CREB5: variants seen among roughly 807,000 people sequenced by gnomAD.
CREB5 encodes cyclic AMP-responsive element-binding protein 5.
CREB5 carries 19 observed loss-of-function variants against 57.1 expected under a neutral mutation model. That is an observed-to-expected ratio of 0.33 (90% CI 0.23 to 0.49). The LOEUF is 0.49. CREB5 is among the 20% of genes least tolerant of loss of function. CREB5 has a pLI of 0.99. For synonymous variants in CREB5, 238 were observed against 238.3 expected (o/e 1.00, Z 0.01); for missense variants, 579 against 671.6 (o/e 0.86, Z 1.52).
chr7:28,596,094 CT>C (rs1270063061), intron 5 of CREB5, among the ~76,000 whole-genome samples: 1 of 152,124 alleles, frequency 6.6e-6, no homozygotes, highest in African/African-American at 2.4e-5. Flanking sequence ...AAGAGGCCAC[CT>C]TTTTGACCAG....
intron 5 of CREB5, among the ~76,000 whole-genome samples, chr7:28,631,475 G>A (rs1798198708): frequency 6.6e-6 from 1 of 152,152 alleles, no homozygotes; most frequent in Non-Finnish European, 1.5e-5. Context: ...AACCAATATT[G>A]AGCATCTTGT....
intron 4 of CREB5, among the ~76,000 whole-genome samples, chr7:28,557,905 A>G (rs980290041): frequency 3.3e-5 from 5 of 151,402 alleles, no homozygotes; most frequent in African/African-American, 1.2e-4. Context: ...GGGAACTGTG[A>G]AAATGAAAAC....
At chr7:28,622,904 G>A (rs776802643) in intron 5 of CREB5, among the ~76,000 whole-genome samples, 2 of 152,118 alleles carry the variant, frequency 1.3e-5, no homozygotes, top group East Asian at 1.9e-4. Context: ...CCTTCTTCTG[G>A]TTTTTTTCTT....
At chr7:28,812,111 C>G (rs1379718609) in intron 9 of CREB5, among the ~76,000 whole-genome samples, 1 of 152,208 alleles carries the variant, frequency 6.6e-6, no homozygotes, top group African/African-American at 2.4e-5. Flanking sequence ...CAAATGTCCC[C>G]TGGTGGTGGT....
At chr7:28,774,349 C>T (rs560039276) in intron 7 of CREB5, among the ~76,000 whole-genome samples, 60 of 152,274 alleles carry the variant, frequency 3.9e-4, no homozygotes, top group Non-Finnish European at 6.9e-4. Context: ...TCACTCACTC[C>T]GGCCTTCATT....
chr7:28,445,573 A>G (rs2128563261), intron 1 of CREB5, among the ~76,000 whole-genome samples: 1 of 149,616 alleles, frequency 6.7e-6, no homozygotes, highest in African/African-American at 2.5e-5. Context: ...TTTATTTGAG[A>G]CGGAATCTCG....
chr7:28,638,050 G>A (rs573336006), intron 5 of CREB5, among the ~76,000 whole-genome samples: 1 of 152,256 alleles, frequency 6.6e-6, no homozygotes, highest in South Asian at 2.1e-4. Context: ...ACTCTTTCCT[G>A]AGTGTAAATA....
At chr7:28,654,251 C>G (rs957395683) in intron 5 of CREB5, among the ~76,000 whole-genome samples, 2 of 152,206 alleles carry the variant, frequency 1.3e-5, no homozygotes, top group Non-Finnish European at 1.5e-5. Context: ...ACAGCTCGCT[C>G]CCCCTCTTCT....
At chr7:28,313,662 G>A (rs1052198652) in intron 1 of CREB5, among the ~76,000 whole-genome samples, 3 of 152,112 alleles carry the variant, frequency 2.0e-5, no homozygotes, top group African/African-American at 7.2e-5. Context: ...TGGAAGGTGG[G>A]AATAACCACT....
At chr7:28,515,411 C>A (rs1027315247) in intron 4 of CREB5, among the ~76,000 whole-genome samples, 2 of 152,202 alleles carry the variant, frequency 1.3e-5, no homozygotes, top group African/African-American at 4.8e-5. Context: ...GAGTCAAGTC[C>A]ACCCAGACAA....
At chr7:28,751,529 A>C (rs1245829871) in intron 7 of CREB5, among the ~76,000 whole-genome samples, 1 of 152,182 alleles carries the variant, frequency 6.6e-6, no homozygotes, top group Admixed American at 6.5e-5. Flanking sequence ...CCTTCCAGAG[A>C]GGGCTTGCCT....
At chr7:28,370,834 C>T (rs368848169) in intron 1 of CREB5, among the ~76,000 whole-genome samples, 1 of 152,154 alleles carries the variant, frequency 6.6e-6, no homozygotes, top group Non-Finnish European at 1.5e-5. Context: ...CACTTTGGCA[C>T]TTCAAACATT....
intron 4 of CREB5, among the ~76,000 whole-genome samples, chr7:28,543,537 AC>A: frequency 6.7e-6 from 1 of 149,970 alleles, no homozygotes; most frequent in East Asian, 2.0e-4. Context: ...ACATAACAAT[AC>A]CAGCCATTTA....
intron 7 of CREB5, among the ~76,000 whole-genome samples, chr7:28,788,627 A>G (rs1468749716): frequency 6.6e-6 from 1 of 152,180 alleles, no homozygotes; most frequent in Non-Finnish European, 1.5e-5. Context: ...CAAATTATTG[A>G]AAGAATAAAC....
intron 1 of CREB5, among the ~76,000 whole-genome samples, chr7:28,405,347 G>T (rs1274716762): frequency 1.3e-5 from 2 of 152,206 alleles, no homozygotes; most frequent in East Asian, 3.8e-4. Flanking sequence ...GATGTGGGCA[G>T]AAGGGATGAG....
chr7:28,685,086 A>C (rs544682988), intron 5 of CREB5, among the ~76,000 whole-genome samples: 1 of 152,218 alleles, frequency 6.6e-6, no homozygotes, highest in Admixed American at 6.5e-5. Flanking sequence ...AGAGACACAC[A>C]TACTGTCTGT....
intron 1 of CREB5, among the ~76,000 whole-genome samples, chr7:28,419,659 G>A (rs1336631301): frequency 6.6e-6 from 1 of 152,180 alleles, no homozygotes; most frequent in African/African-American, 2.4e-5. Context: ...TGTTAGTAGG[G>A]CATACACTTG....
chr7:28,303,024 A>T (rs1329622389), intron 1 of CREB5, among the ~76,000 whole-genome samples: 1 of 151,910 alleles, frequency 6.6e-6, no homozygotes, highest in Non-Finnish European at 1.5e-5. Flanking sequence ...TCTTGGAATT[A>T]GTTGTAGCTT....
At chr7:28,454,585 A>C (rs1474949405) in intron 1 of CREB5, among the ~76,000 whole-genome samples, 1 of 152,084 alleles carries the variant, frequency 6.6e-6, no homozygotes, top group East Asian at 1.9e-4. Context: ...CCCTGAGTCT[A>C]ATGACCAGCT....
Sources: allele counts gnomAD v4.1 joint callset (sites outside exome capture counted in the v4.1 genomes callset), GRCh38; gene constraint gnomAD v4.1.1; transcripts MANE v1.5; gene names NCBI Gene and HGNC (gene_info 2026-07-23, HGNC 2026-07-21).